The following MFAP3 variants were observed in gnomAD, a reference collection of about 807,000 sequenced individuals.
The protein encoded by MFAP3 is microfibril associated protein 3, also known as microfibril-associated glycoprotein 3.
Under a neutral mutation model 20.5 loss-of-function variants are expected in MFAP3, and 8 were observed. The observed-to-expected ratio is 0.39, with a 90% CI of 0.23 to 0.70. The LOEUF (loss-of-function observed/expected upper bound fraction) is 0.70. Among genes scored for constraint, MFAP3 ranks in the 30% least tolerant of loss-of-function variants. The probability of loss-of-function intolerance (pLI) is 0.44; values close to 1 mark genes in which losing one functional copy is unlikely to be tolerated. For missense variants in MFAP3, 398 were observed against 444.6 expected (o/e 0.90, Z 0.94); for synonymous variants, 140 against 154.0 (o/e 0.91, Z 0.67).
intron 1 of MFAP3, chr5:154,039,389 T>G (rs1481291236): frequency 6.6e-6 from 1 of 152,078 alleles, no homozygotes; most frequent in Non-Finnish European, 1.5e-5. Flanking sequence ...AAATCTGGAA[T>G]AGAGCATTCC....
intron 1 of MFAP3, among the ~76,000 whole-genome samples, chr5:154,040,620 G>A (rs567888366): frequency 6.6e-6 from 1 of 152,284 alleles, no homozygotes; most frequent in East Asian, 1.9e-4. Flanking sequence ...GCCAGTAAAA[G>A]AAATATGAGT....
Position 154,053,312 on chromosome 5 carries a change from C to A in MFAP3, c.688C>A (p.Arg230Ser). 1 of 1,613,974 alleles carries A rather than the reference C, an allele frequency of 6.2e-7. No homozygotes were observed. The highest frequency in any genetic ancestry group is 1.1e-5 in the South Asian group (1 of 91,044). Reference protein sequence around the residue: ...VTQFKTMEFARYIEELARSVP... With the variant: ...VTQFKTMEFASYIEELARSVP... ...ACAATTTAAGACCATGGAGTTTGCT[C>A]GTTATATTGAAGAACTGGCAAGAAG... is the stretch of plus-strand genomic sequence containing the variant. The change falls in exon 3 of 3, where the codon CGT becomes AGT. Residue 230 changes from arginine (R) to serine (S), a missense_variant. By Grantham distance (110) the Arg-to-Ser change is moderately radical. Coordinates refer to ENST00000522782, the MANE Select transcript of MFAP3 (RefSeq NM_005927.5).
In MFAP3 at chr5:154,053,338, T is replaced by C. The variant is rs199557223; in HGVS notation, c.714T>C (p.Ser238=). ...FARYIEELAR[S]VPLPPLILNC... ...GTTATATTGAAGAACTGGCAAGAAGTGTCCCTCTTCCACCTCTTATTCTAA... is the reference window on the plus strand; with the variant it reads ...GTTATATTGAAGAACTGGCAAGAAGCGTCCCTCTTCCACCTCTTATTCTAA... Residue 238 remains serine (S), a synonymous_variant, in exon 3 of 3, where the codon AGT becomes AGC. Coordinates refer to ENST00000522782, the MANE Select transcript of MFAP3 (RefSeq NM_005927.5). 3 of 1,614,076 alleles carry C rather than the reference T, an allele frequency of 1.9e-6. No homozygotes were observed. In the East Asian group the frequency reaches 6.7e-5, roughly 36 times the overall value.
Position 154,055,345 on chromosome 5 carries a change from C to T in MFAP3, c.*1632C>T, listed in dbSNP as rs559124335. On this transcript the variant is annotated 3_prime_UTR_variant, in exon 3 of 3. Coordinates refer to ENST00000522782, the MANE Select transcript of MFAP3 (RefSeq NM_005927.5). ...TTGTCCAGGCTTATCAGAAGTAATA[C>T]ATCTGCTCTGAATAGCATGAATGAA... 5.9e-5 allele frequency among the ~76,000 whole-genome samples: 9 copies of T among 152,290 alleles called. No homozygotes were observed. In the East Asian group the frequency reaches 1.7e-3, roughly 29 times the overall value.
Position 154,049,284 on chromosome 5 carries a change from A to C in MFAP3, c.-166-273A>C, listed in dbSNP as rs77117160. The stretch of plus-strand genomic sequence containing the variant: ...TATCTCATCCAGTCCCTTATTTGAC[A>C]GAGGAGAAAACAGAAACCCAGAGAG... On this transcript the variant is annotated intron_variant, in intron 1 of 2. Coordinates refer to ENST00000522782, the MANE Select transcript of MFAP3 (RefSeq NM_005927.5). 1.2e-3 allele frequency among the ~76,000 whole-genome samples: 187 copies of C among 152,328 alleles called. 1 individual carries two copies. The East Asian group carries it at 0.032, about 26-fold the overall frequency.
intron 1 of MFAP3, among the ~76,000 whole-genome samples, chr5:154,044,936 T>TA (rs1561588425): frequency 2.6e-4 from 21 of 80,378 alleles, no homozygotes; most frequent in East Asian, 1.1e-3. Flanking sequence ...GTTTCTTTTT[T>TA]TAAAAAAAAA....
chr5:154,045,667 A>T (rs1044828004), intron 1 of MFAP3, among the ~76,000 whole-genome samples: 3 of 152,134 alleles, frequency 2.0e-5, no homozygotes, highest in African/African-American at 7.2e-5. Context: ...ATCCTGTGAG[A>T]ATAGATTCTG....
intron 2 of MFAP3, among the ~76,000 whole-genome samples, chr5:154,051,175 T>G (rs1156920394): frequency 6.6e-6 from 1 of 152,196 alleles, no homozygotes; most frequent in East Asian, 1.9e-4. Context: ...ATGTGTACTT[T>G]GAACATGATT....
intron 1 of MFAP3, among the ~76,000 whole-genome samples, chr5:154,044,716 C>T (rs986750188): frequency 6.6e-6 from 1 of 152,126 alleles, no homozygotes; most frequent in African/African-American, 2.4e-5. Context: ...AAATCTTGGC[C>T]ACATGGGCAG....
chr5:154,053,638 T>C lies in MFAP3; in HGVS notation c.1014T>C (p.Ser338=), dbSNP rs1409016146. The change falls in exon 3 of 3, where the codon AGT becomes AGC. Residue 338 remains serine (S), a synonymous_variant. Coordinates refer to ENST00000522782, the MANE Select transcript of MFAP3 (RefSeq NM_005927.5). ...AGTCTCAAGGCAGCAGTCATTTCAG[T>C]CCACCTGATGATATAGGATCTGCAG... ...DTESQGSSHF[S]PPDDIGSAES... 6.2e-7 allele frequency: 1 copy of C among 1,613,806 alleles called. No homozygotes were observed. Among genetic ancestry groups the C allele is most frequent in the African/African-American group, 1.3e-5 (1 of 74,900 alleles).
Position 154,053,161 on chromosome 5 carries a change from G to C in MFAP3, c.537G>C (p.Lys179Asn). The C allele has an allele frequency of 6.2e-7, 1 of 1,613,880 alleles. No homozygotes were observed. The highest frequency in any genetic ancestry group is 8.5e-7 in the Non-Finnish European group (1 of 1,179,900). ...GCATGATGAGCAGCCATCTTCGCAA[G>C]ACTGAGAAGGCTATCAATGAGTTCT... ...RLCMMSSHLRKTEKAINEFFR... is the reference protein window; with the variant it reads ...RLCMMSSHLRNTEKAINEFFR... Residue 179 changes from lysine to asparagine, a missense_variant, in exon 3 of 3, where the codon AAG (lysine) becomes AAC (asparagine). Transcript: ENST00000522782.
rs529001437 is a variant in MFAP3, at chr5:154,049,565, C to T, written c.-158C>T. The T allele has an allele frequency of 5.7e-5, 41 of 715,454 alleles. 1 individual carries two copies. The South Asian group carries it at 7.7e-4, about 13-fold the overall frequency. The allele number at this position is 715,454 out of a possible 1,614,324, so 44.3% of individuals were successfully genotyped here. The stretch of plus-strand genomic sequence containing the variant: ...ATCTGGCTTTCTTTTAGGTTCTCTA[C>T]TCACATCTTTTAATCTTGAAGACTA... On this transcript the variant is annotated 5_prime_UTR_variant, in exon 2 of 3. Coordinates refer to ENST00000522782, the MANE Select transcript of MFAP3 (RefSeq NM_005927.5).
At chr5:154,050,684 TG>T (rs551568880) in intron 2 of MFAP3, among the ~76,000 whole-genome samples, 127 of 151,738 alleles carry the variant, frequency 8.4e-4, no homozygotes, top group Admixed American at 2.0e-3. Context: ...TTGCATTTTT[TG>T]TTTATGTCTT....
chr5:154,051,396 C>T (rs1201123512), intron 2 of MFAP3, among the ~76,000 whole-genome samples: 2 of 152,214 alleles, frequency 1.3e-5, no homozygotes, highest in Non-Finnish European at 2.9e-5. Context: ...AAACCACTAA[C>T]ATCTATCATT....
intron 1 of MFAP3, among the ~76,000 whole-genome samples, chr5:154,040,407 G>T (rs1287956338): frequency 6.6e-6 from 1 of 152,202 alleles, no homozygotes; most frequent in Admixed American, 6.5e-5. Flanking sequence ...AAGACAGCTA[G>T]ATTTTCGTAA....
chr5:154,044,556 A>G (rs1029541534), intron 1 of MFAP3, among the ~76,000 whole-genome samples: 2 of 152,226 alleles, frequency 1.3e-5, no homozygotes, highest in Non-Finnish European at 2.9e-5. Context: ...GCTATTGTGC[A>G]GCCTCTTTCT....
chr5:154,049,669 G>A lies in MFAP3; in HGVS notation c.-54G>A. 2 of 1,539,376 alleles carry A rather than the reference G, an allele frequency of 1.3e-6. No individual in the cohort carries two copies. The highest frequency in any genetic ancestry group is 1.2e-5 in the South Asian group (1 of 81,420). ...AATTACCCGCTGTGCTTTTGTTGTA[G>A]TGTAGAAGTTTTTGAGTTCTCCAAA... On this transcript the variant is annotated 5_prime_UTR_variant, in exon 2 of 3. It adds an upstream start codon to the 5' untranslated region. Coordinates refer to ENST00000522782, the MANE Select transcript of MFAP3 (RefSeq NM_005927.5).
chr5:154,049,570 A>G lies in MFAP3; in HGVS notation c.-153A>G. The G allele has an allele frequency of 1.3e-6, 1 of 741,060 alleles. No individual in the cohort carries two copies. Among genetic ancestry groups the G allele is most frequent in the Non-Finnish European group, 2.1e-6 (1 of 466,482 alleles). 45.9% of individuals were successfully genotyped at this position (741,060 alleles called of 1,614,324 possible). On this transcript the variant is annotated 5_prime_UTR_variant, in exon 2 of 3. Coordinates refer to ENST00000522782, the MANE Select transcript of MFAP3 (RefSeq NM_005927.5). ...GCTTTCTTTTAGGTTCTCTACTCAC[A>G]TCTTTTAATCTTGAAGACTAGAAAA...
At chr5:154,042,632 A>G (rs1427583380) in intron 1 of MFAP3, among the ~76,000 whole-genome samples, 3 of 152,166 alleles carry the variant, frequency 2.0e-5, no homozygotes, top group African/African-American at 7.2e-5. Flanking sequence ...GGGTAGTGCT[A>G]ACAACCTGCT....
Sources: allele counts gnomAD v4.1 joint callset (sites outside exome capture counted in the v4.1 genomes callset), GRCh38; gene constraint gnomAD v4.1.1; transcripts MANE v1.5; gene names NCBI Gene and HGNC (gene_info 2026-07-23, HGNC 2026-07-21).